Variants in PTPRD observed in about 807,000 individuals in gnomAD.
PTPRD encodes the protein receptor-type tyrosine-protein phosphatase delta.
PTPRD carries 34 observed loss-of-function variants against 214.5 expected under a neutral mutation model. The observed-to-expected ratio is 0.16, with a 90% CI of 0.12 to 0.21. The LOEUF (loss-of-function observed/expected upper bound fraction) is 0.21, where lower values mean the gene tolerates loss of function less well. PTPRD is among the 10% of genes least tolerant of loss of function. The pLI, the probability that PTPRD is intolerant of heterozygous loss-of-function variation, is 1.00. For missense variants in PTPRD, 2,545 were observed against 2,398.7 expected, an observed-to-expected ratio of 1.06 and a Z score of -1.27; for synonymous variants, 1,128 against 845.7, an observed-to-expected ratio of 1.33 and a Z score of -5.79.
intron 8 of PTPRD, among the ~76,000 whole-genome samples, chr9:9,407,568 T>A (rs147810741): frequency 1.3e-5 from 2 of 151,918 alleles, no homozygotes; most frequent in African/African-American, 4.8e-5. Flanking sequence ...ACACAAAATC[T>A]ATTTTTTTGA....
At chr9:9,255,955 T>C (rs1002475907) in intron 9 of PTPRD, among the ~76,000 whole-genome samples, 2 of 152,048 alleles carry the variant, frequency 1.3e-5, no homozygotes, top group Non-Finnish European at 2.9e-5. Flanking sequence ...TGCTTGGTTC[T>C]TTCAGTTTTT....
chr9:9,526,623 A>C (rs554793067), intron 8 of PTPRD, among the ~76,000 whole-genome samples: 4 of 152,180 alleles, frequency 2.6e-5, no homozygotes, highest in African/African-American at 4.8e-5. Context: ...CATAACTTTA[A>C]TGCCACATTA....
intron 3 of PTPRD, among the ~76,000 whole-genome samples, chr9:10,291,017 G>C (rs1336095159): frequency 6.7e-6 from 1 of 149,252 alleles, no homozygotes; most frequent in East Asian, 2.0e-4. Flanking sequence ...CCATTGTTTA[G>C]AGAATCTACA....
chr9:8,891,370 G>A (rs1267210492), intron 11 of PTPRD, among the ~76,000 whole-genome samples: 2 of 151,628 alleles, frequency 1.3e-5, no homozygotes, highest in East Asian at 3.9e-4. Flanking sequence ...CTGACCTCGT[G>A]ATCCGCCCGC....
At chr9:10,420,928 G>A (rs1247641543) in intron 2 of PTPRD, among the ~76,000 whole-genome samples, 1 of 151,644 alleles carries the variant, frequency 6.6e-6, no homozygotes, top group Non-Finnish European at 1.5e-5. Flanking sequence ...ATTGTCTCAT[G>A]CTTTCTTCAC....
intron 9 of PTPRD, among the ~76,000 whole-genome samples, chr9:9,377,850 A>C (rs2061205044): frequency 6.6e-6 from 1 of 151,136 alleles, no homozygotes; most frequent in South Asian, 2.1e-4. Flanking sequence ...TTAAAATAAT[A>C]TTTTAACTCT....
intron 36 of PTPRD, among the ~76,000 whole-genome samples, chr9:8,392,505 C>A (rs1049537232): frequency 6.6e-6 from 1 of 151,832 alleles, no homozygotes; most frequent in African/African-American, 2.4e-5. Flanking sequence ...CATTCCTGGG[C>A]GACAGAGCAA....
chr9:10,022,969 T>A (rs1436595927), intron 4 of PTPRD, among the ~76,000 whole-genome samples: 1 of 152,186 alleles, frequency 6.6e-6, no homozygotes, highest in African/African-American at 2.4e-5. Flanking sequence ...AAAGCTGTCT[T>A]TAAATGGAAT....
intron 10 of PTPRD, among the ~76,000 whole-genome samples, chr9:9,083,470 T>A (rs192745510): frequency 2.6e-5 from 4 of 152,200 alleles, no homozygotes. Flanking sequence ...ACCTAGGCAA[T>A]ACCATTCAGG....
intron 9 of PTPRD, among the ~76,000 whole-genome samples, chr9:9,236,380 C>G (rs997490965): frequency 2.0e-5 from 3 of 151,998 alleles, no homozygotes; most frequent in African/African-American, 7.3e-5. Flanking sequence ...AGTATAAAAG[C>G]TAGCCTTAGA....
chr9:9,633,033 G>A (rs1180238172), intron 7 of PTPRD, among the ~76,000 whole-genome samples: 3 of 152,076 alleles, frequency 2.0e-5, no homozygotes, highest in African/African-American at 4.8e-5. Flanking sequence ...GGTGGTTCAC[G>A]CCTATAATCC....
intron 3 of PTPRD, among the ~76,000 whole-genome samples, chr9:10,249,695 C>T (rs2092589046): frequency 6.6e-6 from 1 of 152,072 alleles, no homozygotes; most frequent in Non-Finnish European, 1.5e-5. Context: ...TAAGGAATTT[C>T]TTTCTTGTTC....
intron 8 of PTPRD, among the ~76,000 whole-genome samples, chr9:9,551,376 A>G (rs555507902): frequency 6.6e-6 from 1 of 152,140 alleles, no homozygotes; most frequent in Non-Finnish European, 1.5e-5. Context: ...CCAGTTATCT[A>G]TTCGAATATT....
At chr9:10,278,396 C>T (rs940115677) in intron 3 of PTPRD, among the ~76,000 whole-genome samples, 2 of 152,098 alleles carry the variant, frequency 1.3e-5, no homozygotes, top group African/African-American at 2.4e-5. Flanking sequence ...TTCAGGAGGT[C>T]CTGGAGGTGA....
intron 7 of PTPRD, among the ~76,000 whole-genome samples, chr9:9,681,924 G>T (rs566458075): frequency 4.0e-5 from 6 of 151,804 alleles, no homozygotes; most frequent in Non-Finnish European, 7.4e-5. Context: ...TTATATAGAA[G>T]ATGTTATATT....
At chr9:9,537,314 T>G (rs893775767) in intron 8 of PTPRD, among the ~76,000 whole-genome samples, 1 of 151,906 alleles carries the variant, frequency 6.6e-6, no homozygotes, top group African/African-American at 2.4e-5. Flanking sequence ...AGTAGTGGAG[T>G]TGGAATATGA....
intron 3 of PTPRD, among the ~76,000 whole-genome samples, chr9:10,153,915 T>G (rs537554804): frequency 6.6e-6 from 1 of 152,302 alleles, no homozygotes; most frequent in East Asian, 1.9e-4. Flanking sequence ...ATTCTATGTC[T>G]TTGATATTGT....
intron 10 of PTPRD, among the ~76,000 whole-genome samples, chr9:9,127,356 C>T (rs931661602): frequency 1.3e-5 from 2 of 152,126 alleles, no homozygotes; most frequent in African/African-American, 2.4e-5. Flanking sequence ...AGTTAGTTAA[C>T]CTCATAACAA....
At chr9:9,459,260 A>G (rs985528666) in intron 8 of PTPRD, among the ~76,000 whole-genome samples, 1 of 151,164 alleles carries the variant, frequency 6.6e-6, no homozygotes, top group Non-Finnish European at 1.5e-5. Context: ...TGAATGGGGA[A>G]AAGCTGAAAG....
Sources: gnomAD v4.1 joint callset for allele counts (sites outside exome capture counted in the v4.1 genomes callset) on GRCh38, gnomAD v4.1.1 for gene constraint, MANE v1.5 for transcripts, NCBI Gene and HGNC (gene_info 2026-07-23, HGNC 2026-07-21) for gene names.